Variants in COL6A6 observed in about 807,000 individuals in gnomAD.
The protein encoded by COL6A6 is collagen type VI alpha 6 chain.
In COL6A6, 183 loss-of-function variants were observed where a neutral mutation model predicts 208.6. The observed-to-expected ratio is 0.88, with a 90% CI of 0.78 to 0.99. COL6A6 has a LOEUF of 0.99. COL6A6 is among the 50% of genes least tolerant of loss of function. The pLI, the probability that COL6A6 is intolerant of heterozygous loss-of-function variation, is 0.00. For missense variants in COL6A6, 2,816 were observed against 2,815.2 expected (o/e 1.00, Z -0.01); for synonymous variants, 973 against 1,011.8 (o/e 0.96, Z 0.73).
At chr3:130,617,778 A>G (rs1313782787) in intron 23 of COL6A6, among the ~76,000 whole-genome samples, 1 of 152,180 alleles carries the variant, frequency 6.6e-6, no homozygotes, top group Non-Finnish European at 1.5e-5. Flanking sequence ...AAAACAAGTG[A>G]CAAGGATTCC....
Position 130,628,988 on chromosome 3 carries a change from G to A in COL6A6, c.4992+1619G>A, listed in dbSNP as rs1049317034. Among the ~76,000 whole-genome samples the A allele has an allele frequency of 1.2e-4, 9 of 72,502 alleles. 2 individuals are homozygous for A. The South Asian group carries it at 3.1e-3, about 25-fold the overall frequency. 47.6% of individuals were successfully genotyped at this position (72,502 alleles called of 152,430 possible). ...AACTGGAAACTCTAAAACACAGAGCGCCTCTCCTCCTCCAAAGGAACGCAG... is the reference window on the plus strand; with the variant it reads ...AACTGGAAACTCTAAAACACAGAGCACCTCTCCTCCTCCAAAGGAACGCAG... On this transcript the variant is annotated intron_variant, in intron 26 of 36. Coordinates refer to ENST00000358511, the MANE Select transcript of COL6A6 (RefSeq NM_001102608.3).
chr3:130,640,548 AT>A, intron 28 of COL6A6, among the ~76,000 whole-genome samples: 1 of 152,342 alleles, frequency 6.6e-6, no homozygotes, highest in Non-Finnish European at 1.5e-5. Flanking sequence ...AAGGATATCA[AT>A]CATTATTTAC....
chr3:130,571,121 C>A lies in COL6A6; in HGVS notation c.2705C>A (p.Ala902Asp), dbSNP rs377477478. 69 of 1,613,734 alleles carry A rather than the reference C, an allele frequency of 4.3e-5. No individual in the cohort carries two copies. Among genetic ancestry groups the A allele is most frequent in the Non-Finnish European group, 5.3e-5 (62 of 1,179,794 alleles). Residue 902 changes from alanine (A) to aspartate (D), a missense_variant, in exon 7 of 37, where the codon GCC becomes GAC. Ala to Asp is a moderately radical substitution (Grantham distance 126, BLOSUM62 -2). Transcript: ENST00000358511. ...LGFSDHMFTE[A>D]RGSRLNKGVP... ...TTCTCAGACCACATGTTCACTGAAG[C>A]CCGGGGCAGCCGCCTGAACAAGGGG... is the stretch of plus-strand genomic sequence containing the variant.
chr3:130,557,115 G>C (rs2062783120), intron 1 of COL6A6, among the ~76,000 whole-genome samples: 1 of 152,130 alleles, frequency 6.6e-6, no homozygotes, highest in Non-Finnish European at 1.5e-5. Context: ...TTTAGGAATG[G>C]AGCTGGACCC....
Position 130,655,427 on chromosome 3 carries a change from A to G in COL6A6, c.5734-3249A>G, listed in dbSNP as rs1405941596. On this transcript the variant is annotated intron_variant, in intron 33 of 36. Transcript: ENST00000358511. ...CATCTGAGGCCTCTAATTGGATGCA[A>G]TCCTATTAATTACAGGATCCAATCT... Among the ~76,000 whole-genome samples, 8 of 152,138 alleles carry G rather than the reference A, an allele frequency of 5.3e-5. No homozygotes were observed. The East Asian group carries it at 1.5e-3, about 29-fold the overall frequency.
intron 24 of COL6A6, 23 bp from the exon 25 acceptor site, chr3:130,626,462 A>G: frequency 1.3e-6 from 2 of 1,590,656 alleles, no homozygotes; most frequent in Non-Finnish European, 8.6e-7. Flanking sequence ...TTCCAACCTA[A>G]AAACAATCTT....
Position 130,586,495 on chromosome 3 carries a change from G to A in COL6A6, c.3971-11G>A. 1.2e-6 allele frequency: 2 copies of A among 1,607,518 alleles called. No homozygotes were observed. The highest frequency in any genetic ancestry group is 1.7e-4 in the Middle Eastern group (1 of 6,016). On this transcript the variant is annotated splice_polypyrimidine_tract_variant and intron_variant, in intron 10 of 36. Transcript: ENST00000358511. The stretch of plus-strand genomic sequence containing the variant: ...CACCTCACCTGGAACATTGTAAACT[G>A]TGTTGGATAGGCCTGAATGCCCTCA...
intron 35 of COL6A6, 107 bp downstream of exon 35, chr3:130,662,415 C>A: frequency 9.1e-7 from 1 of 1,093,580 alleles, no homozygotes; most frequent in Non-Finnish European, 1.3e-6. Context: ...TGTCTGTCTT[C>A]AAGGGCACTT....
chr3:130,643,577 T>C (rs1348503858), intron 31 of COL6A6, among the ~76,000 whole-genome samples: 1 of 152,234 alleles, frequency 6.6e-6, no homozygotes, highest in African/African-American at 2.4e-5. Context: ...AAAATCAAAA[T>C]GACATTTTGA....
At position 130,585,147 on chromosome 3, in the gene COL6A6, C is replaced by T. The variant is rs74903369; in HGVS notation, c.3971-1359C>T. The stretch of plus-strand genomic sequence containing the variant: ...CAATTCTCATCAAAGGATTCTTTAC[C>T]CATCAATAATAAAATGAGAAAAATG... On this transcript the variant is annotated intron_variant, in intron 10 of 36. Coordinates refer to ENST00000358511, the MANE Select transcript of COL6A6 (RefSeq NM_001102608.3). Among the ~76,000 whole-genome samples the T allele has an allele frequency of 2.5e-4, 38 of 152,154 alleles. No homozygotes were observed. The East Asian group carries it at 4.2e-3, about 17-fold the overall frequency.
chr3:130,661,681 C>A lies in COL6A6; in HGVS notation c.5875C>A (p.Pro1959Thr), dbSNP rs760936974. Residue 1959 changes from proline (P) to threonine (T), a missense_variant, in exon 35 of 37, where the codon CCT becomes ACT. Transcript: ENST00000358511. ...TTCTTGTGACCAAGCCAGACCACCC[C>A]CTGTGCAGTCTTACATGGATGCTGC... ...DASCDQARPP[P>T]VQSYMDAAFL... is the part of the protein sequence containing the mutation. The A allele has an allele frequency of 2.5e-6, 4 of 1,613,884 alleles. No individual in the cohort carries two copies. Among genetic ancestry groups the A allele is most frequent in the African/African-American group, 2.7e-5 (2 of 75,028 alleles).
In COL6A6 at chr3:130,659,469, A is replaced by G. The variant is rs115676154; in HGVS notation, c.5830+697A>G. Among the ~76,000 whole-genome samples the G allele has an allele frequency of 2.8e-3, 421 of 152,360 alleles. 2 individuals are homozygous for G. The highest frequency in any genetic ancestry group is 9.8e-3 in the African/African-American group (407 of 41,592). On this transcript the variant is annotated intron_variant, in intron 34 of 36. Coordinates refer to ENST00000358511, the MANE Select transcript of COL6A6 (RefSeq NM_001102608.3). ...CACTGTTCTAATTCATGTAATATCA[A>G]TGATGGTGATAATGACAGTTAATAC...
intron 36 of COL6A6, among the ~76,000 whole-genome samples, chr3:130,668,698 A>G (rs2066137146): frequency 6.6e-6 from 1 of 152,196 alleles, no homozygotes; most frequent in African/African-American, 2.4e-5. Context: ...ATTTATGAGG[A>G]AGATAAAACA....
chr3:130,568,090 T>C lies in COL6A6; in HGVS notation c.1887T>C (p.Ser629=). 1 of 1,613,942 alleles carries C rather than the reference T, an allele frequency of 6.2e-7. No individual in the cohort carries two copies. The highest frequency in any genetic ancestry group is 8.5e-7 in the Non-Finnish European group (1 of 1,179,858). Residue 629 remains serine (S), a synonymous_variant, in exon 6 of 37, where the codon AGT becomes AGC. Coordinates refer to ENST00000358511, the MANE Select transcript of COL6A6 (RefSeq NM_001102608.3). ...MKADIMFLVD[S]SGSIGPENFS... is the part of the protein sequence containing the mutation. ...CTGACATCATGTTTCTGGTGGACAG[T>C]TCTGGAAGTATAGGACCTGAAAACT...
intron 17 of COL6A6, 53 bp from the exon 18 acceptor site, chr3:130,594,228 A>T: frequency 7.6e-7 from 1 of 1,310,396 alleles, no homozygotes; most frequent in Non-Finnish European, 1.1e-6. Context: ...TGTTTTTATT[A>T]ATTTTATTAA....
At chr3:130,544,941 A>G (rs2107769126) in intron 1 of COL6A6, among the ~76,000 whole-genome samples, 1 of 152,220 alleles carries the variant, frequency 6.6e-6, no homozygotes. Context: ...ATGGTTTTCA[A>G]ATATTTGCTA....
At chr3:130,558,535 G>A (rs556433586) in intron 1 of COL6A6, among the ~76,000 whole-genome samples, 1 of 152,176 alleles carries the variant, frequency 6.6e-6, no homozygotes, top group African/African-American at 2.4e-5. Flanking sequence ...ATTTCCAGAT[G>A]CTGCATGCTG....
At chr3:130,615,748 G>T (rs1295189243) in intron 23 of COL6A6, among the ~76,000 whole-genome samples, 1 of 152,170 alleles carries the variant, frequency 6.6e-6, no homozygotes, top group East Asian at 1.9e-4. Flanking sequence ...TATATCATGT[G>T]ATTATCTCAT....
chr3:130,658,333 A>T (rs1322816598), intron 33 of COL6A6, among the ~76,000 whole-genome samples: 1 of 152,204 alleles, frequency 6.6e-6, no homozygotes, highest in Admixed American at 6.5e-5. Flanking sequence ...GCAGTAATAG[A>T]TATGAAAATG....
Sources: allele counts gnomAD v4.1 joint callset (sites outside exome capture counted in the v4.1 genomes callset), GRCh38; gene constraint gnomAD v4.1.1; transcripts MANE v1.5; gene names NCBI Gene and HGNC (gene_info 2026-07-23, HGNC 2026-07-21).